The following CCDC178 variants were observed in gnomAD, a reference collection of about 807,000 sequenced individuals.
CCDC178 encodes coiled-coil domain containing 178.
A neutral mutation model predicts 117.4 loss-of-function variants in CCDC178; 126 were observed. The ratio of observed to expected loss-of-function variants is 1.07; its 90% CI spans 0.93 to 1.24. CCDC178 has a LOEUF of 1.24. Among genes scored for constraint, CCDC178 ranks in the 50% most tolerant of loss-of-function variants. CCDC178 has a pLI of 0.00. For synonymous variants in CCDC178, 283 were observed against 313.4 expected (o/e 0.90, Z 1.02); for missense variants, 1,030 against 986.9 (o/e 1.04, Z -0.59).
chr18:33,259,883 C>T (rs1487777481), intron 14 of CCDC178, among the ~76,000 whole-genome samples: 1 of 152,020 alleles, frequency 6.6e-6, no homozygotes, highest in Non-Finnish European at 1.5e-5. Flanking sequence ...AGTGATTGAA[C>T]ACATTTTAGT....
At chr18:33,358,325 A>G (rs537514410) in intron 6 of CCDC178, among the ~76,000 whole-genome samples, 3 of 152,076 alleles carry the variant, frequency 2.0e-5, no homozygotes, top group Non-Finnish European at 4.4e-5. Flanking sequence ...TATATGGAAG[A>G]GCACTGCATC....
chr18:33,365,988 G>A (rs1191058757), intron 6 of CCDC178, among the ~76,000 whole-genome samples: 1 of 152,052 alleles, frequency 6.6e-6, no homozygotes, highest in African/African-American at 2.4e-5. Flanking sequence ...GATTCAAATT[G>A]CACTTAAACT....
At chr18:33,077,467 A>C (rs1221480436) in intron 21 of CCDC178, among the ~76,000 whole-genome samples, 1 of 152,164 alleles carries the variant, frequency 6.6e-6, no homozygotes, top group African/African-American at 2.4e-5. Context: ...AATATGACTG[A>C]TATCTTTATC....
chr18:33,428,899 C>T (rs952381645), intron 2 of CCDC178, among the ~76,000 whole-genome samples: 1 of 149,282 alleles, frequency 6.7e-6, no homozygotes, highest in Admixed American at 6.7e-5. Flanking sequence ...ATGAGAATAA[C>T]GTGTGCAGTA....
intron 20 of CCDC178, among the ~76,000 whole-genome samples, chr18:33,166,735 T>C (rs1378553560): frequency 1.3e-5 from 2 of 152,224 alleles, no homozygotes; most frequent in South Asian, 2.1e-4. Flanking sequence ...CACACTACGC[T>C]GGCCTGTAGC....
chr18:33,406,307 G>A (rs1000193396), intron 3 of CCDC178, among the ~76,000 whole-genome samples: 1 of 152,026 alleles, frequency 6.6e-6, no homozygotes, highest in Non-Finnish European at 1.5e-5. Context: ...TTTAATTTAA[G>A]TGATGGGCAG....
intron 21 of CCDC178, among the ~76,000 whole-genome samples, chr18:33,010,078 G>T (rs2055832762): frequency 6.6e-6 from 1 of 152,112 alleles, no homozygotes; most frequent in South Asian, 2.1e-4. Flanking sequence ...GATAGTAAAA[G>T]AATATAGGGT....
chr18:33,395,466 A>G (rs923957234), intron 4 of CCDC178, among the ~76,000 whole-genome samples: 5 of 152,038 alleles, frequency 3.3e-5, no homozygotes, highest in African/African-American at 1.2e-4. Context: ...AGAGCTCAAG[A>G]CACTGTAGAG....
chr18:33,153,976 A>G (rs2058365898), intron 20 of CCDC178, among the ~76,000 whole-genome samples: 1 of 152,058 alleles, frequency 6.6e-6, no homozygotes, highest in Admixed American at 6.6e-5. Flanking sequence ...ACGAGAAAAG[A>G]CGTAATATTG....
chr18:33,340,338 C>T (rs1300782429), intron 9 of CCDC178, among the ~76,000 whole-genome samples: 1 of 152,126 alleles, frequency 6.6e-6, no homozygotes, highest in Admixed American at 6.5e-5. Context: ...CTTTTAAAAG[C>T]ATTCCATTTT....
intron 3 of CCDC178, among the ~76,000 whole-genome samples, chr18:33,397,498 T>C (rs2063655236): frequency 2.0e-5 from 3 of 152,196 alleles, no homozygotes; most frequent in Non-Finnish European, 2.9e-5. Context: ...AGAAGCTTTC[T>C]GTGTAATTTC....
intron 4 of CCDC178, among the ~76,000 whole-genome samples, chr18:33,394,376 A>T (rs2063603072): frequency 6.6e-6 from 1 of 152,038 alleles, no homozygotes; most frequent in Non-Finnish European, 1.5e-5. Context: ...CAGTGAACCA[A>T]GCCAGGTTCA....
chr18:33,213,814 T>C (rs1389762369), intron 19 of CCDC178, among the ~76,000 whole-genome samples: 1 of 151,994 alleles, frequency 6.6e-6, no homozygotes, highest in Non-Finnish European at 1.5e-5. Flanking sequence ...ATGGCTTTGA[T>C]TGCCATTATT....
intron 12 of CCDC178, among the ~76,000 whole-genome samples, chr18:33,291,619 TA>T (rs1419764960): frequency 6.6e-6 from 1 of 152,172 alleles, no homozygotes; most frequent in Non-Finnish European, 1.5e-5. Context: ...TTTTATCTAT[TA>T]TGTTCTTATA....
chr18:33,354,631 G>T, intron 7 of CCDC178, among the ~76,000 whole-genome samples: 1 of 135,540 alleles, frequency 7.4e-6, no homozygotes. Context: ...TTTTTTTCCA[G>T]ACAGAGTCTC....
At chr18:33,275,967 G>A (rs939624038) in intron 12 of CCDC178, among the ~76,000 whole-genome samples, 18 of 151,520 alleles carry the variant, frequency 1.2e-4, no homozygotes, top group African/African-American at 4.4e-4. Flanking sequence ...TTAAGTAAAA[G>A]AGCAAGATTA....
At chr18:33,224,176 T>C (rs777994803) in intron 17 of CCDC178, among the ~76,000 whole-genome samples, 5 of 152,172 alleles carry the variant, frequency 3.3e-5, no homozygotes, top group Non-Finnish European at 7.4e-5. Flanking sequence ...CAAATAAATA[T>C]ATGTATGGCC....
chr18:33,397,413 G>C (rs149492211), intron 3 of CCDC178, among the ~76,000 whole-genome samples: 1 of 152,096 alleles, frequency 6.6e-6, no homozygotes, highest in Non-Finnish European at 1.5e-5. Flanking sequence ...GCATTTGATA[G>C]AAAACACTGC....
At chr18:33,434,360 G>A (rs1192712608) in intron 2 of CCDC178, among the ~76,000 whole-genome samples, 1 of 152,066 alleles carries the variant, frequency 6.6e-6, no homozygotes, top group African/African-American at 2.4e-5. Flanking sequence ...AGTTTTCTAT[G>A]GAAATGTTCA....
Sources: gnomAD v4.1 joint callset for allele counts (sites outside exome capture counted in the v4.1 genomes callset) on GRCh38, gnomAD v4.1.1 for gene constraint, MANE v1.5 for transcripts, NCBI Gene and HGNC (gene_info 2026-07-23, HGNC 2026-07-21) for gene names.